Variants in FOXJ3 observed in about 807,000 individuals in gnomAD.
The protein encoded by FOXJ3 is forkhead box J3.
FOXJ3 carries 22 observed loss-of-function variants against 76.1 expected under a neutral mutation model. That is an observed-to-expected ratio of 0.29 (90% CI 0.21 to 0.41). The LOEUF (loss-of-function observed/expected upper bound fraction) is 0.41. Ranked by LOEUF, FOXJ3 falls within the 10% of genes least tolerant of loss-of-function variation. The probability of loss-of-function intolerance (pLI) is 1.00; values close to 1 mark genes in which losing one functional copy is unlikely to be tolerated. For synonymous variants in FOXJ3, 269 were observed against 261.2 expected, an observed-to-expected ratio of 1.03 and a Z score of -0.29; for missense variants, 613 against 762.1, an observed-to-expected ratio of 0.80 and a Z score of 2.30.
intron 1 of FOXJ3, among the ~76,000 whole-genome samples, chr1:42,318,125 A>T (rs1655229089): frequency 6.6e-6 from 1 of 152,216 alleles, no homozygotes; most frequent in African/African-American, 2.4e-5. Flanking sequence ...TTTTGTATCC[A>T]TCACTTTATC....
intron 1 of FOXJ3, among the ~76,000 whole-genome samples, chr1:42,332,318 C>T (rs1656209703): frequency 6.6e-6 from 1 of 152,154 alleles, no homozygotes; most frequent in African/African-American, 2.4e-5. Context: ...TTTCATCTAA[C>T]CGTTCATTGT....
chr1:42,199,652 C>T (rs1351826925), intron 6 of FOXJ3, among the ~76,000 whole-genome samples: 24 of 150,354 alleles, frequency 1.6e-4, no homozygotes, highest in Non-Finnish European at 3.1e-4. Context: ...TTTTTAAAAT[C>T]ACAGGCATCA....
chr1:42,265,512 C>T (rs569933930), intron 3 of FOXJ3, among the ~76,000 whole-genome samples: 24 of 152,128 alleles, frequency 1.6e-4, no homozygotes, highest in Non-Finnish European at 2.2e-4. Context: ...ATAAAATTGG[C>T]ATATTATGAT....
intron 3 of FOXJ3, among the ~76,000 whole-genome samples, chr1:42,276,705 C>T (rs1652290178): frequency 6.6e-6 from 1 of 152,130 alleles, no homozygotes; most frequent in African/African-American, 2.4e-5. Context: ...TTATTATTTA[C>T]AAAGTGATAA....
At chr1:42,327,198 G>T (rs1222981808) in intron 1 of FOXJ3, among the ~76,000 whole-genome samples, 1 of 152,160 alleles carries the variant, frequency 6.6e-6, no homozygotes, top group Non-Finnish European at 1.5e-5. Flanking sequence ...ATTTCTGATG[G>T]TGACGGCTAC....
At chr1:42,261,080 G>T (rs764704336) in intron 4 of FOXJ3, among the ~76,000 whole-genome samples, 6 of 152,026 alleles carry the variant, frequency 3.9e-5, no homozygotes, top group African/African-American at 7.2e-5. Flanking sequence ...AGCAGAGAAA[G>T]AAAATTATAT....
At chr1:42,325,429 A>T (rs150449663) in intron 1 of FOXJ3, among the ~76,000 whole-genome samples, 1 of 152,356 alleles carries the variant, frequency 6.6e-6, no homozygotes, top group East Asian at 1.9e-4. Flanking sequence ...GATGCCAAGG[A>T]CATCTCTGAT....
chr1:42,234,935 G>A (rs771524621), intron 4 of FOXJ3, among the ~76,000 whole-genome samples: 71 of 152,322 alleles, frequency 4.7e-4, no homozygotes, highest in Non-Finnish European at 9.4e-4. Context: ...AAAGCTGTAA[G>A]ACAGGGACAT....
chr1:42,308,016 C>T (rs1654571432), intron 2 of FOXJ3, among the ~76,000 whole-genome samples: 1 of 151,998 alleles, frequency 6.6e-6, no homozygotes, highest in South Asian at 2.1e-4. Flanking sequence ...TACTAACTAC[C>T]CTCTTCTAAC....
At position 42,178,118 on chromosome 1, in the gene FOXJ3, C is replaced by T. The variant is rs1180944726; in HGVS notation, c.*1592G>A. The T allele has an allele frequency of 2.0e-5, 3 of 152,558 alleles. No homozygotes were observed. The highest frequency in any genetic ancestry group is 1.3e-4 in the Admixed American group (2 of 15,290). 9.5% of individuals were successfully genotyped at this position (152,558 alleles called of 1,614,324 possible). A position where few individuals can be genotyped will look rare whatever the true frequency, so the allele number is the denominator to read the frequency against. ...TATGAAACAAAACAAACCACCACCACTAAAAAACCCGTAAGAGGGGCTGCA... is the reference window on the plus strand; with the variant it reads ...TATGAAACAAAACAAACCACCACCATTAAAAAACCCGTAAGAGGGGCTGCA... On this transcript the variant is annotated 3_prime_UTR_variant, in exon 13 of 13. Coordinates refer to ENST00000361346, the MANE Select transcript of FOXJ3 (RefSeq NM_014947.5).
chr1:42,181,887 ACACACACT>A (rs746215152), intron 12 of FOXJ3, 22 bp downstream of exon 12: 5 of 1,416,310 alleles, frequency 3.5e-6, no homozygotes, highest in Middle Eastern at 1.8e-4. Context: ...ACACACACAC[ACACACACT>A]CACTCTCTCT....
chr1:42,219,570 C>T (rs1393269854), intron 5 of FOXJ3, among the ~76,000 whole-genome samples: 1 of 152,184 alleles, frequency 6.6e-6, no homozygotes, highest in Non-Finnish European at 1.5e-5. Context: ...TGGCCTTGCG[C>T]TTACTATGTA....
intron 4 of FOXJ3, among the ~76,000 whole-genome samples, chr1:42,249,865 T>C (rs1006516906): frequency 1.3e-5 from 2 of 152,184 alleles, no homozygotes; most frequent in South Asian, 2.1e-4. Flanking sequence ...GCAATTAATT[T>C]TGAAAAGTTA....
intron 6 of FOXJ3, among the ~76,000 whole-genome samples, chr1:42,203,974 C>T (rs1002957979): frequency 3.3e-4 from 49 of 146,500 alleles, no homozygotes; most frequent in African/African-American, 1.2e-3. Flanking sequence ...CCAGTCTGGG[C>T]GACACAGTGA....
intron 1 of FOXJ3, among the ~76,000 whole-genome samples, chr1:42,322,372 T>C (rs1018370823): frequency 6.6e-5 from 10 of 152,028 alleles, no homozygotes; most frequent in African/African-American, 1.2e-4. Flanking sequence ...ATGGGTAATA[T>C]AAGAAAATAT....
At chr1:42,214,010 C>G (rs1048297549) in intron 5 of FOXJ3, among the ~76,000 whole-genome samples, 18 of 152,168 alleles carry the variant, frequency 1.2e-4, no homozygotes, top group African/African-American at 4.3e-4. Context: ...AAACATCACA[C>G]TGTACCCCAT....
intron 8 of FOXJ3, among the ~76,000 whole-genome samples, chr1:42,192,412 A>G (rs1245211249): frequency 6.6e-6 from 1 of 152,202 alleles, no homozygotes; most frequent in Non-Finnish European, 1.5e-5. Context: ...GCCCAACAAA[A>G]AGTTATTAGC....
chr1:42,265,994 C>T (rs1230957612), intron 3 of FOXJ3, among the ~76,000 whole-genome samples: 1 of 152,122 alleles, frequency 6.6e-6, no homozygotes, highest in East Asian at 1.9e-4. Context: ...CATTTCTTCT[C>T]AATTAAATGC....
At chr1:42,216,215 G>C (rs1647061277) in intron 5 of FOXJ3, among the ~76,000 whole-genome samples, 1 of 151,912 alleles carries the variant, frequency 6.6e-6, no homozygotes, top group African/African-American at 2.4e-5. Context: ...GTAGACACTG[G>C]CTAAATATAA....
Sources: gnomAD v4.1 joint callset for allele counts (sites outside exome capture counted in the v4.1 genomes callset) on GRCh38, gnomAD v4.1.1 for gene constraint, MANE v1.5 for transcripts, NCBI Gene and HGNC (gene_info 2026-07-23, HGNC 2026-07-21) for gene names.